The following WBP2NL variants were observed in gnomAD, a reference collection of about 807,000 sequenced individuals.
The protein encoded by WBP2NL is postacrosomal sheath WW domain-binding protein.
WBP2NL carries 27 observed loss-of-function variants against 23.3 expected under a neutral mutation model. The observed-to-expected ratio is 1.16, with a 90% CI of 0.85 to 1.60. The LOEUF (loss-of-function observed/expected upper bound fraction) is 1.60, where lower values mean the gene tolerates loss of function less well. Ranked by LOEUF, WBP2NL falls within the 40% of genes most tolerant of loss-of-function variation. The pLI is 0.00. For missense variants in WBP2NL, 370 were observed against 389.5 expected, an observed-to-expected ratio of 0.95 and a Z score of 0.42; for synonymous variants, 151 against 145.9, an observed-to-expected ratio of 1.03 and a Z score of -0.25.
chr22:42,043,971 C>G (rs1486755415), intron 8 of WBP2NL, among the ~76,000 whole-genome samples: 1 of 152,200 alleles, frequency 6.6e-6, no homozygotes, highest in Non-Finnish European at 1.5e-5. Flanking sequence ...AAGTGATCCA[C>G]CCACCTTGGC....
chr22:42,018,731 A>G (rs1923581427), intron 1 of WBP2NL, among the ~76,000 whole-genome samples: 1 of 152,142 alleles, frequency 6.6e-6, no homozygotes, highest in African/African-American at 2.4e-5. Context: ...ATAAGAATTA[A>G]TGAACACACA....
intron 1 of WBP2NL, among the ~76,000 whole-genome samples, chr22:42,000,285 C>T (rs1337041940): frequency 1.3e-5 from 2 of 152,162 alleles, no homozygotes; most frequent in African/African-American, 4.8e-5. Flanking sequence ...TATGTTCTCA[C>T]CTGCTTCCTA....
At chr22:42,029,294 GA>G (rs953340569), downstream of WBP2NL, among the ~76,000 whole-genome samples, 26,017 of 82,028 alleles carry the variant, frequency 0.32, 2,380 homozygotes, top group Middle Eastern at 0.43. Flanking sequence ...CTGTGTCTAG[GA>G]AAAAAAAAAA....
chr22:42,001,325 A>G (rs1280432677), intron 1 of WBP2NL: 10 of 692,910 alleles, frequency 1.4e-5, no homozygotes, highest in African/African-American at 7.1e-5. Flanking sequence ...TGCATCATCC[A>G]ACTGATGACA....
intron 4 of WBP2NL, among the ~76,000 whole-genome samples, chr22:42,020,893 TATATATATATA>T (rs1569450028): frequency 2.6e-4 from 17 of 64,152 alleles, no homozygotes; most frequent in African/African-American, 8.2e-4. Context: ...TATATATATA[TATATATATATA>T]TATATTTTTT....
downstream of WBP2NL, among the ~76,000 whole-genome samples, chr22:42,033,817 A>G (rs1304253783): frequency 6.6e-6 from 1 of 152,170 alleles, no homozygotes; most frequent in Non-Finnish European, 1.5e-5. Flanking sequence ...CAGGGATTTT[A>G]TGGGCCTCAG....
chr22:42,043,249 C>T (rs1374045205), intron 8 of WBP2NL, among the ~76,000 whole-genome samples: 1 of 152,062 alleles, frequency 6.6e-6, no homozygotes, highest in Non-Finnish European at 1.5e-5. Flanking sequence ...TCTGTGATGT[C>T]AGCAACTGTG....
intron 1 of WBP2NL, among the ~76,000 whole-genome samples, chr22:42,004,051 C>T (rs1041991123): frequency 2.6e-5 from 4 of 152,196 alleles, no homozygotes; most frequent in Admixed American, 6.5e-5. Context: ...GCAGGTGGGT[C>T]ACTTGAGGTC....
chr22:42,025,800 T>A lies in WBP2NL; in HGVS notation c.515-966T>A, dbSNP rs113456199. ...TATCCAGTTAAATCACTTTGGGGAA[T>A]GTAACCCAAGGTAATAAGTAAAACT... On this transcript the variant is annotated intron_variant, in intron 5 of 5. Coordinates refer to ENST00000328823, the MANE Select transcript of WBP2NL (RefSeq NM_152613.3). Among the ~76,000 whole-genome samples the A allele has an allele frequency of 8.8e-3, 1,339 of 152,322 alleles. 10 individuals are homozygous for A. The highest frequency in any genetic ancestry group is 0.014 in the Non-Finnish European group (962 of 68,024).
At chr22:42,052,460 A>G (rs1303572957) in intron 8 of WBP2NL, among the ~76,000 whole-genome samples, 2 of 151,940 alleles carry the variant, frequency 1.3e-5, no homozygotes. Context: ...TTGTATTTTT[A>G]GTAGAGACAG....
chr22:42,018,935 A>T lies in WBP2NL; in HGVS notation c.63-376A>T, dbSNP rs7289786. Reference sequence around the variant, plus strand: ...CTCTGGAAAAAAAAAAAAAAAAACTACATTAAGGGCCGGGCACGGTGGCAT... The same window carrying T: ...CTCTGGAAAAAAAAAAAAAAAAACTTCATTAAGGGCCGGGCACGGTGGCAT... On this transcript the variant is annotated intron_variant, in intron 1 of 5. Coordinates refer to ENST00000328823, the MANE Select transcript of WBP2NL (RefSeq NM_152613.3). 9.1e-3 allele frequency among the ~76,000 whole-genome samples: 1,382 copies of T among 151,058 alleles called. 25 individuals are homozygous for T. Among genetic ancestry groups the T allele is most frequent in the African/African-American group, 0.032 (1,336 of 41,228 alleles).
At chr22:42,013,054 C>G (rs1922969897) in intron 1 of WBP2NL, among the ~76,000 whole-genome samples, 1 of 151,240 alleles carries the variant, frequency 6.6e-6, no homozygotes, top group African/African-American at 2.4e-5. Context: ...ATCACATTTC[C>G]TTTTGGCCTC....
At position 41,999,260 on chromosome 22, in the gene WBP2NL, C is replaced by T. The variant is rs1052874396; in HGVS notation, c.62+380C>T. On this transcript the variant is annotated intron_variant, in intron 1 of 5. Coordinates refer to ENST00000328823, the MANE Select transcript of WBP2NL (RefSeq NM_152613.3). ...GGCCTTCGGTGGCAGCGTGGCTGCC[C>T]TTGGGTGCCTGCGACTTTGTTGGAT... 2.6e-5 allele frequency among the ~76,000 whole-genome samples: 4 copies of T among 152,218 alleles called. No individual in the cohort carries two copies. In the South Asian group the frequency reaches 6.2e-4, roughly 24 times the overall value.
At chr22:41,998,949 AAACTCTCAGCG>A in intron 1 of WBP2NL, 69 bp downstream of exon 1, 1 of 1,522,788 alleles carries the variant, frequency 6.6e-7, no homozygotes, top group East Asian at 2.4e-5. Context: ...GGCGGCTCGC[AAACTCTCAGCG>A]AGTCAGGGAC....
At chr22:42,015,919 T>C (rs530915188) in intron 1 of WBP2NL, among the ~76,000 whole-genome samples, 1 of 152,280 alleles carries the variant, frequency 6.6e-6, no homozygotes, top group South Asian at 2.1e-4. Flanking sequence ...TTTCAATTTG[T>C]CTGTTTTTTT....
intron 1 of WBP2NL, among the ~76,000 whole-genome samples, chr22:42,013,665 A>T (rs559223761): frequency 6.6e-6 from 1 of 152,272 alleles, no homozygotes; most frequent in Admixed American, 6.5e-5. Flanking sequence ...GCTGGAGTGC[A>T]GTGGCACGAT....
chr22:42,024,033 T>C (rs1343547839), intron 5 of WBP2NL, among the ~76,000 whole-genome samples: 1 of 152,190 alleles, frequency 6.6e-6, no homozygotes, highest in Non-Finnish European at 1.5e-5. Flanking sequence ...CTAATCTGCT[T>C]TCTGTCTTTA....
chr22:42,041,481 TAAA>T (rs35848343), intron 8 of WBP2NL, among the ~76,000 whole-genome samples: 11 of 112,812 alleles, frequency 9.8e-5, no homozygotes, highest in African/African-American at 3.0e-4. Flanking sequence ...GTTCTGTCTT[TAAA>T]AAAAAAAAAA....
chr22:42,006,746 T>C (rs1194087153), intron 1 of WBP2NL, among the ~76,000 whole-genome samples: 18 of 152,212 alleles, frequency 1.2e-4, no homozygotes. Flanking sequence ...TTTAATTCCA[T>C]GAACTGTTCG....
Sources: gnomAD v4.1 joint callset for allele counts (sites outside exome capture counted in the v4.1 genomes callset) on GRCh38, gnomAD v4.1.1 for gene constraint, MANE v1.5 for transcripts, NCBI Gene and HGNC (gene_info 2026-07-23, HGNC 2026-07-21) for gene names.